Variants in TNNI3K observed in about 807,000 individuals in gnomAD.
TNNI3K encodes the protein serine/threonine-protein kinase TNNI3K.
A neutral mutation model predicts 114.5 loss-of-function variants in TNNI3K; 140 were observed. The ratio of observed to expected loss-of-function variants is 1.22; its 90% CI spans 1.07 to 1.41. The LOEUF (loss-of-function observed/expected upper bound fraction) is 1.41, where lower values mean the gene tolerates loss of function less well. Among genes scored for constraint, TNNI3K ranks in the 40% most tolerant of loss-of-function variants. The pLI is 0.00. For missense variants in TNNI3K, 1,125 were observed against 1,007.6 expected (o/e 1.12, Z -1.58); for synonymous variants, 347 against 347.5 (o/e 1.00, Z 0.02).
chr1:74,284,636 C>G (rs1289819368), intron 5 of TNNI3K, among the ~76,000 whole-genome samples: 1 of 152,194 alleles, frequency 6.6e-6, no homozygotes, highest in Non-Finnish European at 1.5e-5. Flanking sequence ...AGAGTAGCCC[C>G]TTGCTGCATC....
intron 5 of TNNI3K, among the ~76,000 whole-genome samples, chr1:74,289,837 C>A (rs1288994338): frequency 6.6e-6 from 1 of 151,896 alleles, no homozygotes; most frequent in Non-Finnish European, 1.5e-5. Context: ...AAATGCATGA[C>A]TCTGACACCG....
At chr1:74,379,805 A>G (rs1663105607) in intron 17 of TNNI3K, among the ~76,000 whole-genome samples, 1 of 152,032 alleles carries the variant, frequency 6.6e-6, no homozygotes, top group Non-Finnish European at 1.5e-5. Flanking sequence ...ATACTTCACT[A>G]CTAGAATGTC....
At chr1:74,534,110 G>T (rs901262858) in intron 23 of TNNI3K, among the ~76,000 whole-genome samples, 1 of 151,952 alleles carries the variant, frequency 6.6e-6, no homozygotes, top group Non-Finnish European at 1.5e-5. Flanking sequence ...GTATATGAAA[G>T]CTATAAAGCC....
At chr1:74,367,156 C>A in intron 11 of TNNI3K, 100 bp from the exon 12 acceptor site, 3 of 1,139,608 alleles carry the variant, frequency 2.6e-6, no homozygotes, top group South Asian at 1.4e-5. Flanking sequence ...ATGATTTGTC[C>A]TATGTTGTAA....
chr1:74,327,087 A>T (rs1055237805), intron 5 of TNNI3K, among the ~76,000 whole-genome samples: 4 of 151,792 alleles, frequency 2.6e-5, no homozygotes, highest in Non-Finnish European at 5.9e-5. Context: ...GTCAAAAAAA[A>T]AAAAAAAAGG....
intron 17 of TNNI3K, among the ~76,000 whole-genome samples, chr1:74,411,009 A>G (rs550365146): frequency 6.6e-6 from 1 of 152,314 alleles, no homozygotes; most frequent in Non-Finnish European, 1.5e-5. Context: ...GTGTAGTCAT[A>G]CCTTAAAGCA....
Position 74,336,159 on chromosome 1 carries a change from T to C in TNNI3K, c.682+10T>C, listed in dbSNP as rs780806042. The C allele has an allele frequency of 2.5e-6, 4 of 1,591,660 alleles. No homozygotes were observed. In the South Asian group the frequency reaches 3.5e-5, roughly 14 times the overall value. The stretch of plus-strand genomic sequence containing the variant: ...GGCAGCAAAGCAGATGGTAAGATTA[T>C]ATATTTAAAAGACCTTTGCTATCAT... On this transcript the variant is annotated intron_variant, in intron 7 of 24. Coordinates refer to ENST00000326637, the MANE Select transcript of TNNI3K (RefSeq NM_015978.3).
At chr1:74,485,019 A>G (rs1339668749) in intron 21 of TNNI3K, among the ~76,000 whole-genome samples, 1 of 152,160 alleles carries the variant, frequency 6.6e-6, no homozygotes, top group Non-Finnish European at 1.5e-5. Context: ...ATGCAATTTA[A>G]TTTAACAAAT....
chr1:74,373,157 GACA>G (rs1662702225), intron 17 of TNNI3K: 1 of 151,842 alleles, frequency 6.6e-6, no homozygotes, highest in African/African-American at 2.4e-5. Context: ...TGGCAAATAA[GACA>G]TATGCCCAGA....
intron 6 of TNNI3K, among the ~76,000 whole-genome samples, chr1:74,333,653 A>G (rs1660326407): frequency 6.6e-6 from 1 of 152,208 alleles, no homozygotes; most frequent in African/African-American, 2.4e-5. Flanking sequence ...GGCTATTGTC[A>G]TTTGCTAAAA....
intron 5 of TNNI3K, among the ~76,000 whole-genome samples, chr1:74,326,862 G>A (rs1204087050): frequency 6.6e-6 from 1 of 151,930 alleles, no homozygotes; most frequent in Non-Finnish European, 1.5e-5. Flanking sequence ...AGGCCAAGGT[G>A]GGCGGATCAT....
intron 17 of TNNI3K, among the ~76,000 whole-genome samples, chr1:74,427,989 A>T (rs1023910070): frequency 6.6e-6 from 1 of 151,866 alleles, no homozygotes; most frequent in Non-Finnish European, 1.5e-5. Flanking sequence ...TAACCACAAT[A>T]CAAATCTTAT....
chr1:74,249,671 C>A, intron 3 of TNNI3K, 127 bp downstream of exon 3: 2 of 814,894 alleles, frequency 2.5e-6, no homozygotes, highest in Non-Finnish European at 1.8e-6. Context: ...TTGCCTTTTC[C>A]AACCTTGATA....
chr1:74,235,656 C>A (rs1350789125), intron 1 of TNNI3K, among the ~76,000 whole-genome samples, 165 bp downstream of exon 1: 1 of 151,318 alleles, frequency 6.6e-6, no homozygotes, highest in African/African-American at 2.4e-5. Context: ...TTATTTTTTT[C>A]TGAAGATCTT....
chr1:74,432,954 A>C (rs1665964546), intron 17 of TNNI3K, among the ~76,000 whole-genome samples: 1 of 152,038 alleles, frequency 6.6e-6, no homozygotes. Context: ...TCCATCTGTA[A>C]AATAGGTATG....
At chr1:74,291,997 T>A (rs533614626) in intron 5 of TNNI3K, among the ~76,000 whole-genome samples, 1 of 151,528 alleles carries the variant, frequency 6.6e-6, no homozygotes, top group Non-Finnish European at 1.5e-5. Context: ...GTTCTGTTCA[T>A]TTATCTACTT....
chr1:74,260,729 A>G (rs1476492960), intron 4 of TNNI3K, among the ~76,000 whole-genome samples: 1 of 152,120 alleles, frequency 6.6e-6, no homozygotes, highest in East Asian at 1.9e-4. Context: ...TTTCTGGATT[A>G]TTACATTCTA....
intron 5 of TNNI3K, among the ~76,000 whole-genome samples, chr1:74,304,698 A>G (rs74401853): frequency 0.029 from 4,456 of 152,106 alleles, 200 homozygotes; most frequent in African/African-American, 0.1. Context: ...TCCTGCTCCA[A>G]TCTCCCAAAA....
At chr1:74,479,636 T>A (rs1277406180) in intron 21 of TNNI3K, among the ~76,000 whole-genome samples, 1 of 152,192 alleles carries the variant, frequency 6.6e-6, no homozygotes, top group Non-Finnish European at 1.5e-5. Flanking sequence ...GACTAAGATA[T>A]ATGAGATTGC....
Sources: allele counts gnomAD v4.1 joint callset (sites outside exome capture counted in the v4.1 genomes callset), GRCh38; gene constraint gnomAD v4.1.1; transcripts MANE v1.5; gene names NCBI Gene and HGNC (gene_info 2026-07-23, HGNC 2026-07-21).